RBFOX1: variants seen among roughly 807,000 people sequenced by gnomAD.
The protein encoded by RBFOX1 is RNA binding fox-1 homolog 1.
In RBFOX1, 8 loss-of-function variants were observed where a neutral mutation model predicts 57.7. The observed-to-expected ratio is 0.14, with a 90% CI of 0.08 to 0.25. RBFOX1 has a LOEUF of 0.25. RBFOX1 is among the 10% of genes least tolerant of loss of function. RBFOX1 has a pLI of 1.00. For missense variants in RBFOX1, 611 were observed against 548.5 expected, an observed-to-expected ratio of 1.11 and a Z score of -1.14; for synonymous variants, 326 against 222.4, an observed-to-expected ratio of 1.47 and a Z score of -4.15.
intron 3 of RBFOX1, among the ~76,000 whole-genome samples, chr16:6,963,187 T>G (rs115242299): frequency 6.6e-6 from 1 of 152,118 alleles, no homozygotes; most frequent in Non-Finnish European, 1.5e-5. Flanking sequence ...CTATTTTTTT[T>G]CGGAGTCCGT....
chr16:5,466,220 C>G (rs533312323), intron 1 of RBFOX1, among the ~76,000 whole-genome samples: 1 of 152,174 alleles, frequency 6.6e-6, no homozygotes, highest in Non-Finnish European at 1.5e-5. Context: ...GTGCTGGGCT[C>G]GGGGCAGGCT....
At chr16:7,036,616 C>T (rs1202556930) in intron 3 of RBFOX1, among the ~76,000 whole-genome samples, 1 of 151,832 alleles carries the variant, frequency 6.6e-6, no homozygotes, top group African/African-American at 2.4e-5. Context: ...TCGCTTGAAA[C>T]CGTAAGGCGG....
intron 5 of RBFOX1, among the ~76,000 whole-genome samples, chr16:7,557,406 G>C (rs1601749181): frequency 6.6e-6 from 1 of 151,948 alleles, no homozygotes; most frequent in African/African-American, 2.4e-5. Flanking sequence ...GATCACTTGA[G>C]ATCAAGAATT....
At chr16:5,584,769 C>A (rs1164215656) in intron 2 of RBFOX1, among the ~76,000 whole-genome samples, 1 of 152,048 alleles carries the variant, frequency 6.6e-6, no homozygotes. Flanking sequence ...ACTGCTTGGG[C>A]CTGTTTCTTG....
intron 3 of RBFOX1, among the ~76,000 whole-genome samples, chr16:6,667,250 G>A (rs1006798509): frequency 9.9e-5 from 15 of 152,236 alleles, no homozygotes; most frequent in African/African-American, 3.1e-4. Context: ...GCAGTGCCAT[G>A]GACACAGTGG....
At chr16:7,000,636 C>T (rs1444532355) in intron 3 of RBFOX1, among the ~76,000 whole-genome samples, 1 of 116,778 alleles carries the variant, frequency 8.6e-6, no homozygotes, top group African/African-American at 3.2e-5. Context: ...GTCTCGCTCT[C>T]CTCTGTCGCC....
intron 2 of RBFOX1, among the ~76,000 whole-genome samples, chr16:6,487,464 T>C (rs917888205): frequency 1.6e-4 from 25 of 151,734 alleles, no homozygotes; most frequent in African/African-American, 5.6e-4. Flanking sequence ...TGGATATTTG[T>C]AACATAATTT....
chr16:5,367,321 T>G (rs745728343), intron 1 of RBFOX1, among the ~76,000 whole-genome samples: 10 of 152,228 alleles, frequency 6.6e-5, no homozygotes, highest in Non-Finnish European at 1.3e-4. Flanking sequence ...ACTCCTGACC[T>G]GCCCAGAACA....
intron 3 of RBFOX1, among the ~76,000 whole-genome samples, chr16:6,846,900 C>T (rs1197520943): frequency 1.3e-5 from 2 of 149,488 alleles, no homozygotes; most frequent in Non-Finnish European, 2.9e-5. Flanking sequence ...GAAAGACTGC[C>T]TCTAAATTAC....
At chr16:5,532,752 T>G (rs1270326616) in intron 2 of RBFOX1, among the ~76,000 whole-genome samples, 1 of 152,216 alleles carries the variant, frequency 6.6e-6, no homozygotes, top group Non-Finnish European at 1.5e-5. Context: ...CCAGGAATCT[T>G]CACTCATCCA....
intron 4 of RBFOX1, among the ~76,000 whole-genome samples, chr16:5,891,033 G>T (rs780932141): frequency 1.3e-5 from 2 of 152,144 alleles, no homozygotes; most frequent in Non-Finnish European, 2.9e-5. Flanking sequence ...GAGAAGATGC[G>T]TGCAAATCCC....
chr16:6,814,533 C>T (rs895257382), intron 3 of RBFOX1, among the ~76,000 whole-genome samples: 2 of 152,076 alleles, frequency 1.3e-5, no homozygotes, highest in Non-Finnish European at 2.9e-5. Context: ...TAATGACAAT[C>T]CTTAGTATGT....
At chr16:5,244,516 A>G (rs1021419315) in intron 1 of RBFOX1, among the ~76,000 whole-genome samples, 1 of 152,178 alleles carries the variant, frequency 6.6e-6, no homozygotes, top group Admixed American at 6.5e-5. Context: ...GGGTGTTTGG[A>G]CCAACCTCTG....
intron 1 of RBFOX1, among the ~76,000 whole-genome samples, chr16:6,160,583 C>G (rs74005002): frequency 0.05 from 7,670 of 152,116 alleles, 696 homozygotes; most frequent in African/African-American, 0.18. Context: ...CCATCCAGCC[C>G]GAGTCATGCT....
At chr16:6,292,727 G>A (rs148021478) in intron 1 of RBFOX1, among the ~76,000 whole-genome samples, 77 of 152,220 alleles carry the variant, frequency 5.1e-4, no homozygotes, top group African/African-American at 1.8e-3. Flanking sequence ...ATCTATTGCT[G>A]GTGACTGCAC....
intron 2 of RBFOX1, among the ~76,000 whole-genome samples, chr16:6,379,666 A>C (rs941325467): frequency 6.7e-6 from 1 of 148,496 alleles, no homozygotes; most frequent in South Asian, 2.3e-4. Flanking sequence ...AGAGCTGTGC[A>C]TTGGATTTAG....
intron 2 of RBFOX1, among the ~76,000 whole-genome samples, chr16:6,421,117 G>A (rs1427831541): frequency 6.6e-6 from 1 of 152,336 alleles, no homozygotes; most frequent in South Asian, 2.1e-4. Context: ...CAAGCTTGGA[G>A]ATAAATGAAC....
chr16:7,238,513 T>A (rs1446807674), intron 4 of RBFOX1, among the ~76,000 whole-genome samples: 1 of 128,926 alleles, frequency 7.8e-6, no homozygotes, highest in African/African-American at 3.5e-5. Context: ...GTTACTCTCC[T>A]CATCTTTCCA....
intron 3 of RBFOX1, among the ~76,000 whole-genome samples, chr16:5,701,703 G>T (rs2051055036): frequency 6.6e-6 from 1 of 152,146 alleles, no homozygotes; most frequent in African/African-American, 2.4e-5. Flanking sequence ...CAAAATGCTG[G>T]GACTACAGGT....
Sources: gnomAD v4.1 joint callset for allele counts (sites outside exome capture counted in the v4.1 genomes callset) on GRCh38, gnomAD v4.1.1 for gene constraint, MANE v1.5 for transcripts, NCBI Gene and HGNC (gene_info 2026-07-23, HGNC 2026-07-21) for gene names.